The following FSTL5 variants were observed in gnomAD, a reference collection of about 807,000 sequenced individuals.
FSTL5 encodes follistatin-related protein 5.
Under a neutral mutation model 89.1 loss-of-function variants are expected in FSTL5, and 62 were observed. The observed-to-expected ratio is 0.70, with a 90% CI of 0.57 to 0.86. The LOEUF (loss-of-function observed/expected upper bound fraction) is 0.86. Ranked by LOEUF, FSTL5 falls within the 40% of genes least tolerant of loss-of-function variation. The probability of loss-of-function intolerance (pLI) is 0.00; values close to 1 mark genes in which losing one functional copy is unlikely to be tolerated. For synonymous variants in FSTL5, 383 were observed against 346.2 expected (o/e 1.11, Z -1.18); for missense variants, 1,057 against 1,001.6 (o/e 1.06, Z -0.75).
At chr4:162,060,540 C>T (rs1036858611) in intron 2 of FSTL5, among the ~76,000 whole-genome samples, 23 of 151,784 alleles carry the variant, frequency 1.5e-4, no homozygotes, top group African/African-American at 4.4e-4. Flanking sequence ...TAATATTGTT[C>T]CTATATAGTA....
intron 8 of FSTL5, among the ~76,000 whole-genome samples, chr4:161,584,829 C>A (rs546107891): frequency 3.9e-5 from 6 of 152,204 alleles, no homozygotes; most frequent in East Asian, 3.9e-4. Flanking sequence ...TCCTGAAAAT[C>A]TTTATACCAA....
chr4:162,017,842 C>A (rs1736959285), intron 3 of FSTL5, among the ~76,000 whole-genome samples: 1 of 152,134 alleles, frequency 6.6e-6, no homozygotes, highest in Non-Finnish European at 1.5e-5. Flanking sequence ...ATTTAAACTT[C>A]CGTAAATGCA....
chr4:162,053,336 A>C (rs1738442275), intron 2 of FSTL5, among the ~76,000 whole-genome samples: 1 of 151,760 alleles, frequency 6.6e-6, no homozygotes, highest in Non-Finnish European at 1.5e-5. Context: ...TAGTCACAAA[A>C]ACTCAAGAAA....
At chr4:161,746,502 G>A (rs556422266) in intron 6 of FSTL5, among the ~76,000 whole-genome samples, 1 of 152,218 alleles carries the variant, frequency 6.6e-6, no homozygotes, top group East Asian at 1.9e-4. Context: ...GGGCTTGACT[G>A]TAGCATTTGA....
chr4:161,868,706 G>A (rs1732167950), intron 4 of FSTL5, among the ~76,000 whole-genome samples: 2 of 152,100 alleles, frequency 1.3e-5, no homozygotes, highest in Admixed American at 6.6e-5. Context: ...TTAAACCATT[G>A]TAGTTCATTA....
chr4:161,557,877 T>A (rs1490062042), intron 8 of FSTL5, among the ~76,000 whole-genome samples: 1 of 151,806 alleles, frequency 6.6e-6, no homozygotes, highest in Non-Finnish European at 1.5e-5. Flanking sequence ...CGTGCATATG[T>A]GTTATATGTG....
intron 8 of FSTL5, among the ~76,000 whole-genome samples, chr4:161,578,444 CAGAG>C (rs1460185559): frequency 1.3e-5 from 2 of 151,008 alleles, no homozygotes; most frequent in Non-Finnish European, 3.0e-5. Flanking sequence ...GTTGAAGAGA[CAGAG>C]AGAAAAAAAG....
At chr4:161,863,850 C>A (rs1278299884) in intron 4 of FSTL5, among the ~76,000 whole-genome samples, 4 of 152,148 alleles carry the variant, frequency 2.6e-5, no homozygotes, top group Admixed American at 2.6e-4. Context: ...GGGGTCTGGC[C>A]ACTTCTGGAG....
chr4:161,943,680 C>T (rs1339591060), intron 3 of FSTL5, among the ~76,000 whole-genome samples: 1 of 149,390 alleles, frequency 6.7e-6, no homozygotes, highest in Non-Finnish European at 1.5e-5. Context: ...CTCAGCCTCC[C>T]GAGTAGCTGG....
intron 5 of FSTL5, among the ~76,000 whole-genome samples, chr4:161,773,563 A>T (rs1480533811): frequency 1.3e-5 from 2 of 152,326 alleles, no homozygotes; most frequent in Admixed American, 1.3e-4. Flanking sequence ...TCAAAAGAAG[A>T]TATACAAATG....
At chr4:161,644,007 G>A (rs150475650) in intron 7 of FSTL5, among the ~76,000 whole-genome samples, 272 of 152,168 alleles carry the variant, frequency 1.8e-3, no homozygotes, top group South Asian at 0.015. Flanking sequence ...ATTGGTAAAG[G>A]TCCTTTGCAC....
intron 15 of FSTL5, among the ~76,000 whole-genome samples, chr4:161,444,001 T>G (rs1732863442): frequency 6.6e-6 from 1 of 151,998 alleles, no homozygotes; most frequent in Admixed American, 6.6e-5. Flanking sequence ...ACTATAATAT[T>G]ATTTATATAG....
intron 8 of FSTL5, among the ~76,000 whole-genome samples, chr4:161,584,172 G>A (rs1052044471): frequency 6.6e-6 from 1 of 151,946 alleles, no homozygotes; most frequent in Non-Finnish European, 1.5e-5. Flanking sequence ...ATAATTATTC[G>A]ACATGTCTTC....
intron 15 of FSTL5, among the ~76,000 whole-genome samples, chr4:161,438,135 T>C (rs1343844119): frequency 2.0e-5 from 3 of 152,278 alleles, no homozygotes; most frequent in South Asian, 2.1e-4. Flanking sequence ...AAAAGAAGAA[T>C]GAATTTCATT....
chr4:161,775,156 A>T (rs1290618472), intron 5 of FSTL5, among the ~76,000 whole-genome samples: 3 of 152,176 alleles, frequency 2.0e-5, no homozygotes, highest in Non-Finnish European at 2.9e-5. Flanking sequence ...TATTATAAAA[A>T]TGGTCTACTT....
At chr4:161,757,738 C>T (rs1447721466) in intron 6 of FSTL5, among the ~76,000 whole-genome samples, 1 of 152,074 alleles carries the variant, frequency 6.6e-6, no homozygotes, top group Non-Finnish European at 1.5e-5. Context: ...CCTGCCTCAG[C>T]GTCCCGAGTA....
chr4:161,960,377 T>C (rs1225519382), intron 3 of FSTL5, among the ~76,000 whole-genome samples: 2 of 151,800 alleles, frequency 1.3e-5, no homozygotes, highest in African/African-American at 2.4e-5. Flanking sequence ...GGCTTCACCA[T>C]GTTGGTCAGG....
intron 10 of FSTL5, among the ~76,000 whole-genome samples, chr4:161,527,573 T>C (rs931933833): frequency 7.2e-5 from 11 of 151,958 alleles, no homozygotes; most frequent in African/African-American, 2.7e-4. Context: ...ATCAGAGAAA[T>C]GCAAATCAAA....
chr4:161,878,263 G>GAAT (rs1466991076), intron 4 of FSTL5, among the ~76,000 whole-genome samples: 1 of 151,914 alleles, frequency 6.6e-6, no homozygotes, highest in Non-Finnish European at 1.5e-5. Context: ...CCGTAACCAC[G>GAAT]AATAATATTA....
Sources: gnomAD v4.1 joint callset for allele counts (sites outside exome capture counted in the v4.1 genomes callset) on GRCh38, gnomAD v4.1.1 for gene constraint, MANE v1.5 for transcripts, NCBI Gene and HGNC (gene_info 2026-07-23, HGNC 2026-07-21) for gene names.